Variants in NRXN3 observed in about 807,000 individuals in gnomAD.
The protein encoded by NRXN3 is neurexin III.
In NRXN3, 32 loss-of-function variants were observed where a neutral mutation model predicts 137.6. That is an observed-to-expected ratio of 0.23 (90% CI 0.18 to 0.31). The LOEUF is 0.31. NRXN3 is among the 10% of genes least tolerant of loss of function. The probability of loss-of-function intolerance (pLI) is 1.00; values close to 1 mark genes in which losing one functional copy is unlikely to be tolerated. For missense variants in NRXN3, 1,574 were observed against 2,062.5 expected, an observed-to-expected ratio of 0.76 and a Z score of 4.59; for synonymous variants, 798 against 784.5, an observed-to-expected ratio of 1.02 and a Z score of -0.29.
intron 1 of NRXN3, among the ~76,000 whole-genome samples, chr14:78,199,919 T>A (rs545512277): frequency 6.6e-6 from 1 of 152,306 alleles, no homozygotes; most frequent in East Asian, 1.9e-4. Flanking sequence ...TATTGTAGAC[T>A]TTTGTACCTG....
intron 6 of NRXN3, among the ~76,000 whole-genome samples, chr14:78,654,047 T>C (rs1483634864): frequency 6.6e-6 from 1 of 152,230 alleles, no homozygotes; most frequent in Admixed American, 6.5e-5. Flanking sequence ...TCGGAAGTCT[T>C]CTTATTTGTC....
At position 79,771,179 on chromosome 14, in the gene NRXN3, C is replaced by G. The variant is rs77366076; in HGVS notation, c.4015-33933C>G. On this transcript the variant is annotated intron_variant, in intron 19 of 20. Coordinates refer to ENST00000335750, the MANE Select transcript of NRXN3 (RefSeq NM_001330195.2). ...GTCCAGGACCAGATGGATTCACAGC[C>G]GAATTCTACCAGAGGTACAAGGAGG... Among the ~76,000 whole-genome samples, 3 of 152,066 alleles carry G rather than the reference C, an allele frequency of 2.0e-5. No individual in the cohort carries two copies. In the East Asian group the frequency reaches 5.8e-4, roughly 29 times the overall value.
At chr14:79,143,023 G>T (rs1531621) in intron 15 of NRXN3, among the ~76,000 whole-genome samples, 149,751 of 152,294 alleles carry the variant, frequency 0.98, 73,675 homozygotes, top group Middle Eastern at 1. Flanking sequence ...TTGCCATCTT[G>T]TTTTACAATA....
At chr14:79,358,160 A>T (rs1467395744) in intron 15 of NRXN3, among the ~76,000 whole-genome samples, 2 of 152,204 alleles carry the variant, frequency 1.3e-5, no homozygotes, top group African/African-American at 4.8e-5. Context: ...TATCTCCTGC[A>T]GGCTAAGCCT....
chr14:78,969,200 A>G (rs31411), intron 14 of NRXN3, among the ~76,000 whole-genome samples: 11,197 of 146,324 alleles, frequency 0.077, 1,373 homozygotes, highest in African/African-American at 0.29. Context: ...ACAACAAACC[A>G]TGCTCAGCCT....
intron 10 of NRXN3, among the ~76,000 whole-genome samples, chr14:78,915,014 T>C (rs2099251007): frequency 6.6e-6 from 1 of 151,906 alleles, no homozygotes; most frequent in Non-Finnish European, 1.5e-5. Flanking sequence ...AGAAAGCAAA[T>C]AAAAATTCAA....
At chr14:78,710,730 C>T (rs2098400052) in intron 7 of NRXN3, among the ~76,000 whole-genome samples, 1 of 152,188 alleles carries the variant, frequency 6.6e-6, no homozygotes, top group Non-Finnish European at 1.5e-5. Flanking sequence ...GGTGGGTTGG[C>T]TTTTCTGCAT....
chr14:79,255,249 C>T (rs1044242907), intron 15 of NRXN3, among the ~76,000 whole-genome samples: 3 of 152,204 alleles, frequency 2.0e-5, no homozygotes, highest in African/African-American at 7.2e-5. Flanking sequence ...CTCCATAGTG[C>T]CGTCATAGAG....
intron 11 of NRXN3, among the ~76,000 whole-genome samples, chr14:78,962,250 G>T (rs370498000): frequency 3.8e-4 from 58 of 152,284 alleles, no homozygotes; most frequent in African/African-American, 1.3e-3. Flanking sequence ...CAAGCTAAAT[G>T]TCCTAACCTC....
intron 15 of NRXN3, among the ~76,000 whole-genome samples, chr14:79,018,337 TAA>T (rs33953818): frequency 1.8e-5 from 2 of 111,610 alleles, no homozygotes; most frequent in Admixed American, 8.2e-5. Context: ...ATGAAAACAA[TAA>T]AAAAAAATCC....
intron 8 of NRXN3, among the ~76,000 whole-genome samples, chr14:78,726,151 A>G (rs1444747008): frequency 6.6e-6 from 1 of 152,096 alleles, no homozygotes; most frequent in Non-Finnish European, 1.5e-5. Flanking sequence ...TTTCACTACA[A>G]CTGAAGTCCC....
chr14:78,952,820 A>G (rs2272292), intron 10 of NRXN3, among the ~76,000 whole-genome samples: 23,860 of 152,134 alleles, frequency 0.16, 3,459 homozygotes, highest in East Asian at 0.43. Flanking sequence ...TTCAGGTAAA[A>G]CCAAGTGATT....
At chr14:78,324,387 C>T (rs1441641550) in intron 4 of NRXN3, among the ~76,000 whole-genome samples, 1 of 152,028 alleles carries the variant, frequency 6.6e-6, no homozygotes, top group African/African-American at 2.4e-5. Flanking sequence ...GTGTTCTACC[C>T]ATGATCTGTT....
At position 78,655,379 on chromosome 14, in the gene NRXN3, C is replaced by T. The variant is rs564687650; in HGVS notation, c.1221+4053C>T. ...TAGAAATGTAAGTGTAAGTGAATAT[C>T]CATTAACACATGGAATCTCTATATT... On this transcript the variant is annotated intron_variant, in intron 6 of 20. Coordinates refer to ENST00000335750, the MANE Select transcript of NRXN3 (RefSeq NM_001330195.2). Among the ~76,000 whole-genome samples the T allele has an allele frequency of 1.0e-3, 157 of 152,120 alleles. 1 individual carries two copies. Among genetic ancestry groups the T allele is most frequent in the Middle Eastern group, 3.4e-3 (1 of 294 alleles).
intron 17 of NRXN3, among the ~76,000 whole-genome samples, chr14:79,671,147 A>G (rs980668866): frequency 2.0e-5 from 3 of 152,148 alleles, no homozygotes; most frequent in African/African-American, 7.2e-5. Flanking sequence ...ACCCATTAGG[A>G]CAGCGTTGGT....
intron 19 of NRXN3, among the ~76,000 whole-genome samples, chr14:79,773,641 G>T (rs1056436782): frequency 5.6e-5 from 6 of 107,404 alleles, no homozygotes; most frequent in African/African-American, 1.4e-4. Context: ...GGTGGGGGGA[G>T]GGGGGAGGGA....
At chr14:78,331,799 G>A (rs1283517641) in intron 4 of NRXN3, among the ~76,000 whole-genome samples, 1 of 152,172 alleles carries the variant, frequency 6.6e-6, no homozygotes, top group Non-Finnish European at 1.5e-5. Context: ...TGATGTATTG[G>A]AATGAGAGTG....
At chr14:79,606,417 G>C (rs892633662) in intron 16 of NRXN3, among the ~76,000 whole-genome samples, 5 of 152,138 alleles carry the variant, frequency 3.3e-5, no homozygotes, top group African/African-American at 1.2e-4. Flanking sequence ...TCATGCAAAT[G>C]TTTCTGATTA....
intron 15 of NRXN3, chr14:79,314,077 A>T (rs1369356256): frequency 6.4e-6 from 1 of 156,212 alleles, no homozygotes; most frequent in East Asian, 1.9e-4. Context: ...ATGGCCGAAT[A>T]GGAACAGCTC....
Sources: gnomAD v4.1 joint callset for allele counts (sites outside exome capture counted in the v4.1 genomes callset) on GRCh38, gnomAD v4.1.1 for gene constraint, MANE v1.5 for transcripts, NCBI Gene and HGNC (gene_info 2026-07-23, HGNC 2026-07-21) for gene names.